DNAH7: variants seen among roughly 807,000 people sequenced by gnomAD.
DNAH7 encodes dynein axonemal heavy chain 7.
A neutral mutation model predicts 444.6 loss-of-function variants in DNAH7; 397 were observed. That is an observed-to-expected ratio of 0.89 (90% CI 0.82 to 0.97). DNAH7 has a LOEUF of 0.97. Among genes scored for constraint, DNAH7 ranks in the 50% least tolerant of loss-of-function variants. The pLI, the probability that DNAH7 is intolerant of heterozygous loss-of-function variation, is 0.00. For missense variants in DNAH7, 4,902 were observed against 4,800.8 expected, an observed-to-expected ratio of 1.02 and a Z score of -0.62; for synonymous variants, 1,636 against 1,624.4, an observed-to-expected ratio of 1.01 and a Z score of -0.17.
intron 42 of DNAH7, among the ~76,000 whole-genome samples, chr2:195,860,468 G>A (rs1179985320): frequency 6.6e-6 from 1 of 152,074 alleles, no homozygotes; most frequent in Non-Finnish European, 1.5e-5. Context: ...AGCAGTCACG[G>A]TGGGCACTGC....
At chr2:195,980,306 T>C (rs1692488787) in intron 15 of DNAH7, among the ~76,000 whole-genome samples, 2 of 152,270 alleles carry the variant, frequency 1.3e-5, no homozygotes, top group African/African-American at 4.8e-5. Context: ...ATTCTTTGCC[T>C]TCCTGCTGCC....
chr2:195,982,200 T>C (rs1278714365), intron 15 of DNAH7, among the ~76,000 whole-genome samples: 2 of 151,974 alleles, frequency 1.3e-5, no homozygotes, highest in African/African-American at 4.8e-5. Flanking sequence ...TCAAAAGACA[T>C]ACAAATGGCA....
intron 56 of DNAH7, among the ~76,000 whole-genome samples, chr2:195,795,189 T>C (rs1027337118): frequency 1.3e-5 from 2 of 152,230 alleles, no homozygotes; most frequent in Admixed American, 1.3e-4. Flanking sequence ...GAGACCAGCC[T>C]GGCCAACATG....
At chr2:196,026,204 T>C (rs1421358531) in intron 7 of DNAH7, among the ~76,000 whole-genome samples, 1 of 152,220 alleles carries the variant, frequency 6.6e-6, no homozygotes, top group Non-Finnish European at 1.5e-5. Context: ...AGTGTGGCTA[T>C]GTTCCAATAA....
At chr2:196,053,960 A>C (rs547351360) in intron 2 of DNAH7, among the ~76,000 whole-genome samples, 31 of 152,348 alleles carry the variant, frequency 2.0e-4, no homozygotes, top group Middle Eastern at 6.8e-3. Flanking sequence ...TCCCACTGGC[A>C]TAGCTATAAG....
chr2:195,843,750 T>C (rs1046013137), intron 47 of DNAH7, among the ~76,000 whole-genome samples: 2 of 152,212 alleles, frequency 1.3e-5, no homozygotes, highest in African/African-American at 4.8e-5. Flanking sequence ...GGATAATTTA[T>C]TGGAAAATAA....
At position 196,048,314 on chromosome 2, in the gene DNAH7, T is replaced by TATG. The variant is rs759367910; in HGVS notation, c.231_232insCAT (p.Val77_Lys78insHis). On this transcript the variant is annotated inframe_insertion, in exon 4 of 65. Coordinates refer to ENST00000312428, the MANE Select transcript of DNAH7 (RefSeq NM_018897.3). ...TTCTTACCATGGGACTGTTCATTTT[T>TATG]AACACTAAATGGTTCTGGACTCTCA... The TATG allele has an allele frequency of 6.2e-7, 1 of 1,613,554 alleles. No individual in the cohort carries two copies. Among genetic ancestry groups the TATG allele is most frequent in the South Asian group, 1.1e-5 (1 of 91,012 alleles).
At chr2:196,014,157 G>A (rs1336981139) in intron 9 of DNAH7, among the ~76,000 whole-genome samples, 2 of 152,134 alleles carry the variant, frequency 1.3e-5, no homozygotes, top group African/African-American at 4.8e-5. Flanking sequence ...AATACTACCA[G>A]ACACTGTTCT....
At chr2:195,852,581 T>C (rs1699436724) in intron 46 of DNAH7, among the ~76,000 whole-genome samples, 1 of 152,148 alleles carries the variant, frequency 6.6e-6, no homozygotes, top group African/African-American at 2.4e-5. Context: ...CCAGTTCCAT[T>C]TTTCTAAAAA....
intron 36 of DNAH7, among the ~76,000 whole-genome samples, chr2:195,879,684 GT>G (rs1383082965): frequency 2.0e-5 from 3 of 151,646 alleles, no homozygotes; most frequent in Admixed American, 6.6e-5. Context: ...AAAACTACTT[GT>G]TTGTTTATTC....
At chr2:195,812,788 G>A (rs1697032081) in intron 51 of DNAH7, among the ~76,000 whole-genome samples, 1 of 152,136 alleles carries the variant, frequency 6.6e-6, no homozygotes. Flanking sequence ...TATGCTTTTG[G>A]TAGAACTATC....
chr2:195,819,611 A>AC (rs1409843419), intron 49 of DNAH7, among the ~76,000 whole-genome samples: 1 of 152,144 alleles, frequency 6.6e-6, no homozygotes, highest in Non-Finnish European at 1.5e-5. Flanking sequence ...AGTTGAGCAA[A>AC]CAGAGGAACA....
intron 54 of DNAH7, among the ~76,000 whole-genome samples, chr2:195,803,986 C>T (rs1696592505): frequency 6.6e-6 from 1 of 152,054 alleles, no homozygotes. Flanking sequence ...TTTTTTCAAA[C>T]TGGAGCGTTA....
chr2:196,040,779 T>C (rs551599973), intron 5 of DNAH7, among the ~76,000 whole-genome samples: 252 of 152,262 alleles, frequency 1.7e-3, no homozygotes, highest in Non-Finnish European at 2.9e-3. Flanking sequence ...AGTCAAATTG[T>C]TCTTGTTTGC....
At position 195,891,725 on chromosome 2, in the gene DNAH7, A is replaced by T. The variant is rs1702021579; in HGVS notation, c.4976T>A (p.Phe1659Tyr). 1 of 1,609,830 alleles carries T rather than the reference A, an allele frequency of 6.2e-7. No individual in the cohort carries two copies. The change falls in exon 31 of 65, where the codon TTT becomes TAT. Residue 1659 changes from phenylalanine (F) to tyrosine (Y), a missense_variant. Coordinates refer to ENST00000312428, the MANE Select transcript of DNAH7 (RefSeq NM_018897.3). ...AGACCATTCATGGGACACTGAATCA[A>T]ACTGTCCGTACAGTTGGCCCATGGT... ...SVTMGQLYGQ[F>Y]DSVSHEWSDG...
At chr2:195,815,378 C>T (rs1238394529) in intron 51 of DNAH7, among the ~76,000 whole-genome samples, 1 of 152,046 alleles carries the variant, frequency 6.6e-6, no homozygotes, top group Non-Finnish European at 1.5e-5. Flanking sequence ...CTCAAAGTGT[C>T]GGACTCACAC....
intron 19 of DNAH7, among the ~76,000 whole-genome samples, chr2:195,952,336 C>A (rs977414762): frequency 6.6e-6 from 1 of 152,028 alleles, no homozygotes; most frequent in South Asian, 2.1e-4. Context: ...GTGGGTAACC[C>A]GACCTTTCTG....
In DNAH7 at chr2:195,988,002, G is replaced by T. The variant is rs1693038609; in HGVS notation, c.1581C>A (p.Cys527Ter). ...TTTCCTCTATTAGTTTCTGGTATTT[G>T]CAAATTTCATCTATTATTTTTTCAT... ...HSYEKIIDEI[C>*]KYQKLIEEIQ... The change falls in exon 13 of 65, where the codon TGC becomes TGA. Residue 527 changes from cysteine to a stop codon, truncating the protein, a stop_gained. Transcript: ENST00000312428. LOFTEE classifies it high-confidence loss of function. 6.2e-7 allele frequency: 1 copy of T among 1,612,362 alleles called. No homozygotes were observed. Among genetic ancestry groups the T allele is most frequent in the Non-Finnish European group, 8.5e-7 (1 of 1,179,068 alleles).
intron 32 of DNAH7, among the ~76,000 whole-genome samples, 156 bp downstream of exon 32, chr2:195,888,643 A>G (rs28582840): frequency 0.34 from 43,059 of 125,494 alleles, 9,266 homozygotes; most frequent in African/African-American, 0.62. Context: ...ATTAGTCAAG[A>G]TATGTCAACA....
Sources: gnomAD v4.1 joint callset for allele counts (sites outside exome capture counted in the v4.1 genomes callset) on GRCh38, gnomAD v4.1.1 for gene constraint, MANE v1.5 for transcripts, NCBI Gene and HGNC (gene_info 2026-07-23, HGNC 2026-07-21) for gene names.